Variants in C2orf78 observed in about 807,000 individuals in gnomAD.
C2orf78 encodes uncharacterized protein C2orf78.
A neutral mutation model predicts 21.4 loss-of-function variants in C2orf78; 12 were observed. The ratio of observed to expected loss-of-function variants is 0.56; its 90% CI spans 0.36 to 0.91. The LOEUF (loss-of-function observed/expected upper bound fraction) is 0.91, where lower values mean the gene tolerates loss of function less well. C2orf78 is among the 40% of genes least tolerant of loss of function. The probability of loss-of-function intolerance (pLI) is 0.01; values close to 1 mark genes in which losing one functional copy is unlikely to be tolerated. For missense variants in C2orf78, 1,042 were observed against 1,092.4 expected, an observed-to-expected ratio of 0.95 and a Z score of 0.65; for synonymous variants, 396 against 413.9, an observed-to-expected ratio of 0.96 and a Z score of 0.52.
At chr2:73,811,250 C>T (rs971716015) in intron 1 of C2orf78, among the ~76,000 whole-genome samples, 1 of 151,972 alleles carries the variant, frequency 6.6e-6, no homozygotes, top group African/African-American at 2.4e-5. Flanking sequence ...GAGATCTTGC[C>T]ACTGCACTCC....
At position 73,810,401 on chromosome 2, in the gene C2orf78, C is replaced by T. The variant is rs528989460; in HGVS notation, c.98-3076C>T. Among the ~76,000 whole-genome samples the T allele has an allele frequency of 7.3e-5, 11 of 151,484 alleles. No homozygotes were observed. In the South Asian group the frequency reaches 1.9e-3, roughly 26 times the overall value. On this transcript the variant is annotated intron_variant, in intron 1 of 2. Coordinates refer to ENST00000409561, the Ensembl canonical transcript of C2orf78. Reference sequence around the variant, plus strand: ...AATTAGCCGGGCATGGTGGCACATGCCTGTAATCCCAGCTACTTGGGAGGC... The same window carrying T: ...AATTAGCCGGGCATGGTGGCACATGTCTGTAATCCCAGCTACTTGGGAGGC...
intron 1 of C2orf78, among the ~76,000 whole-genome samples, chr2:73,810,687 T>C (rs1186011694): frequency 2.3e-5 from 3 of 132,850 alleles, no homozygotes; most frequent in African/African-American, 2.9e-5. Flanking sequence ...AAAATATACA[T>C]ATATATTTTA....
At chr2:73,810,430 G>C (rs1219712111) in intron 1 of C2orf78, among the ~76,000 whole-genome samples, 1 of 151,368 alleles carries the variant, frequency 6.6e-6, no homozygotes, top group Admixed American at 6.6e-5. Context: ...GGGAGGCTGA[G>C]GCAGGAGAAT....
At chr2:73,815,703 G>T in exon 3 of C2orf78, 1 of 1,613,766 alleles carries the variant, frequency 6.2e-7, no homozygotes, top group Non-Finnish European at 8.5e-7. Flanking sequence ...TGTCATAAAG[G>T]GTCACTCTGA....
At chr2:73,813,065 G>A (rs1025549392) in intron 1 of C2orf78, among the ~76,000 whole-genome samples, 1 of 152,134 alleles carries the variant, frequency 6.6e-6, no homozygotes, top group Non-Finnish European at 1.5e-5. Context: ...CTTAAAACAG[G>A]TCAATCTGAC....
Position 73,813,386 on chromosome 2 carries a change from T to C in C2orf78, c.98-91T>C. ...AGTATTGGTATTAGAGGCTTCCTGA[T>C]TGCAACAACCTTAAGATAATGCTAG... On this transcript the variant is annotated intron_variant, in intron 1 of 2. Transcript: ENST00000409561. The C allele has an allele frequency of 1.9e-5, 25 of 1,324,388 alleles. No homozygotes were observed. The South Asian group carries it at 3.6e-4, about 19-fold the overall frequency. The allele number at this position is 1,324,388 out of a possible 1,614,324, so 82.0% of individuals were successfully genotyped here. A position where few individuals can be genotyped will look rare whatever the true frequency, so the allele number is the denominator to read the frequency against.
rs563561388 is a variant in C2orf78 at position 73,816,342 on chromosome 2, C to T, written c.2119C>T (p.His707Tyr). ...TGAAAAAGAGTGTACATCTCCATCC[C>T]ACTCTGAGTTGCCACCACCTGGGAA... Residue 707 changes from histidine (H) to tyrosine (Y), a missense_variant, in exon 3 of 3, where the codon CAC becomes TAC. By Grantham distance (83) the His-to-Tyr change is moderately conservative. This residue lies in a region of C2orf78 where 1,039 missense variants were observed against 1,069.7 expected (regional missense o/e 0.97). Coordinates refer to ENST00000409561, the Ensembl canonical transcript of C2orf78. 7 of 1,613,838 alleles carry T rather than the reference C, an allele frequency of 4.3e-6. No homozygotes were observed. In the East Asian group the frequency reaches 1.1e-4, roughly 26 times the overall value.
At chr2:73,817,044 A>T (rs1573206282) in exon 3 of C2orf78, 1 of 1,471,544 alleles carries the variant, frequency 6.8e-7, no homozygotes, top group African/African-American at 1.4e-5. Context: ...CCACATATAT[A>T]GATAGATACT....
chr2:73,807,955 C>A (rs1245413545), intron 1 of C2orf78, among the ~76,000 whole-genome samples: 2 of 151,012 alleles, frequency 1.3e-5, no homozygotes, highest in Non-Finnish European at 2.9e-5. Flanking sequence ...CTTCCTTTGG[C>A]CCTTAAAATC....
exon 3 of C2orf78, chr2:73,817,043 T>C (rs988486161): frequency 2.0e-6 from 3 of 1,484,030 alleles, no homozygotes; most frequent in Non-Finnish European, 2.7e-6. Context: ...TCCACATATA[T>C]AGATAGATAC....
chr2:73,785,783 A>G (rs888894916), intron 1 of C2orf78, among the ~76,000 whole-genome samples: 13 of 152,056 alleles, frequency 8.5e-5, no homozygotes, highest in Non-Finnish European at 1.3e-4. Context: ...TCGGTGGCTT[A>G]CACCTGTAAT....
intron 1 of C2orf78, among the ~76,000 whole-genome samples, chr2:73,810,014 GA>G (rs1366592715): frequency 1.3e-5 from 2 of 149,172 alleles, no homozygotes; most frequent in South Asian, 2.1e-4. Flanking sequence ...TTTTAAATTT[GA>G]AAAAAAAAGC....
At chr2:73,814,690 G>A (rs772782554) in intron 2 of C2orf78, among the ~76,000 whole-genome samples, 3 of 152,168 alleles carry the variant, frequency 2.0e-5, no homozygotes, top group Non-Finnish European at 4.4e-5. Flanking sequence ...TATATTTCAT[G>A]AGGAAGGGCT....
At chr2:73,816,529 G>A (rs375008239) in exon 3 of C2orf78, 20 of 1,613,652 alleles carry the variant, frequency 1.2e-5, no homozygotes, top group African/African-American at 6.7e-5. Flanking sequence ...AATCCATCCC[G>A]ACCAGCTCCT....
intron 1 of C2orf78, among the ~76,000 whole-genome samples, chr2:73,810,015 A>G (rs1673045499): frequency 6.6e-6 from 1 of 151,088 alleles, no homozygotes; most frequent in South Asian, 2.1e-4. Context: ...TTTAAATTTG[A>G]AAAAAAAAGC....
intron 1 of C2orf78, among the ~76,000 whole-genome samples, chr2:73,810,706 TAATATACATATAA>T (rs1673067787): frequency 7.5e-6 from 1 of 133,080 alleles, no homozygotes; most frequent in Non-Finnish European, 1.5e-5. Flanking sequence ...TATATATATA[TAATATACATATAA>T]AATATACATA....
chr2:73,807,717 C>T lies in C2orf78; in HGVS notation c.98-5760C>T, dbSNP rs367803788. 2.3e-4 allele frequency among the ~76,000 whole-genome samples: 28 copies of T among 120,266 alleles called. No individual in the cohort carries two copies. The East Asian group carries it at 5.0e-3, about 21-fold the overall frequency. The allele number at this position is 120,266 out of a possible 152,430, so 78.9% of individuals were successfully genotyped here. A position where few individuals can be genotyped will look rare whatever the true frequency, so the allele number is the denominator to read the frequency against. On this transcript the variant is annotated intron_variant, in intron 1 of 2. Transcript: ENST00000409561. ...GGAAGTTGACAAGAAGGAATATCCA[C>T]GAATGTAAAAATGCAAGATCAAGGC...
exon 3 of C2orf78, chr2:73,815,738 A>T: frequency 1.2e-6 from 2 of 1,613,584 alleles, no homozygotes; most frequent in South Asian, 2.2e-5. Context: ...ACAAGCATAA[A>T]GCTTCCGAGC....
intron 1 of C2orf78, among the ~76,000 whole-genome samples, chr2:73,809,818 T>A (rs140948454): frequency 6.6e-6 from 1 of 152,042 alleles, no homozygotes; most frequent in Non-Finnish European, 1.5e-5. Context: ...GTAATATTCA[T>A]GTTTTGGACA....
Sources: allele counts gnomAD v4.1 joint callset (sites outside exome capture counted in the v4.1 genomes callset), GRCh38; gene constraint gnomAD v4.1.1; regional missense constraint gnomAD v4.1.1; transcripts MANE v1.5; gene names NCBI Gene and HGNC (gene_info 2026-07-23, HGNC 2026-07-21).